Variants in PVT1 observed in about 807,000 individuals in gnomAD.
PVT1 encodes the protein CXCR4/PVT1 fusion.
At chr8:128,083,194 G>A (rs1235889528) in intron 5 of PVT1, among the ~76,000 whole-genome samples, 1 of 152,194 alleles carries the variant, frequency 6.6e-6, no homozygotes, top group Non-Finnish European at 1.5e-5. Flanking sequence ...TTGAATAAAG[G>A]ATAATAGTGA....
At chr8:127,870,602 T>C (rs536697982) in intron 2 of PVT1, among the ~76,000 whole-genome samples, 61 of 152,318 alleles carry the variant, frequency 4.0e-4, no homozygotes, top group Middle Eastern at 3.4e-3. Flanking sequence ...ATTTACTGAA[T>C]GAAGGAAAGC....
chr8:127,811,784 G>A (rs1157545773), intron 2 of PVT1, among the ~76,000 whole-genome samples: 1 of 151,792 alleles, frequency 6.6e-6, no homozygotes, highest in Non-Finnish European at 1.5e-5. Context: ...GTTAACACAG[G>A]GCTTCATAAC....
intron 3 of PVT1, among the ~76,000 whole-genome samples, chr8:127,985,742 G>T (rs1816962232): frequency 6.6e-6 from 1 of 152,192 alleles, no homozygotes; most frequent in South Asian, 2.1e-4. Context: ...CTTCCCAGGG[G>T]AAACTGCTCC....
chr8:127,801,595 G>A (rs951585133), intron 2 of PVT1, among the ~76,000 whole-genome samples: 1 of 152,138 alleles, frequency 6.6e-6, no homozygotes, highest in African/African-American at 2.4e-5. Context: ...CTTTTGAAAC[G>A]GTCAGTCTGG....
Position 127,843,600 on chromosome 8 carries a change from G to A in PVT1, n.373-46989G>A, listed in dbSNP as rs187141405. On this transcript the variant is annotated intron_variant and non_coding_transcript_variant, in intron 2 of 10. Coordinates refer to ENST00000651587, the Ensembl canonical transcript of PVT1. ...TGGGACTACAGGCGCCCGCCACCAC[G>A]ACCGGCTAATTTTTTTTTGTATTTT... is the stretch of plus-strand genomic sequence containing the variant. Among the ~76,000 whole-genome samples, 20 of 151,844 alleles carry A rather than the reference G, an allele frequency of 1.3e-4. No homozygotes were observed. In the East Asian group the frequency reaches 2.9e-3, roughly 22 times the overall value.
intron 4 of PVT1, among the ~76,000 whole-genome samples, chr8:128,005,083 T>C (rs1817229937): frequency 6.6e-6 from 1 of 151,544 alleles, no homozygotes; most frequent in African/African-American, 2.4e-5. Flanking sequence ...GAGGTTGCAG[T>C]GAGCGGAGAT....
chr8:127,947,676 G>A (rs1816439285), intron 3 of PVT1: 1 of 456,088 alleles, frequency 2.2e-6, no homozygotes, highest in Non-Finnish European at 4.4e-6. Context: ...GGACCTCTCT[G>A]GACATGGCCA....
Position 127,887,090 on chromosome 8 carries a change from GAGTC to G in PVT1, n.373-3497_373-3494del, listed in dbSNP as rs533826291. ...GCTACTCCATACAAACTTGGCTCAG[GAGTC>G]ACTTAGTGACTTAGGGAACATTTGT... On this transcript the variant is annotated intron_variant and non_coding_transcript_variant, in intron 2 of 10. Coordinates refer to ENST00000651587, the Ensembl canonical transcript of PVT1. Among the ~76,000 whole-genome samples, 235 of 152,310 alleles carry G rather than the reference GAGTC, an allele frequency of 1.5e-3. 1 individual carries two copies. Among genetic ancestry groups the G allele is most frequent in the Non-Finnish European group, 2.1e-3 (143 of 68,022 alleles).
chr8:127,888,865 G>A (rs1183378905), intron 2 of PVT1, among the ~76,000 whole-genome samples: 1 of 152,230 alleles, frequency 6.6e-6, no homozygotes, highest in Non-Finnish European at 1.5e-5. Flanking sequence ...TCATAAGTGT[G>A]TGCTGTTTTA....
chr8:128,002,866 C>G (rs1239362779), intron 4 of PVT1, among the ~76,000 whole-genome samples: 1 of 152,210 alleles, frequency 6.6e-6, no homozygotes, highest in East Asian at 1.9e-4. Context: ...TTACAACTTC[C>G]TTTCTCTTCT....
At chr8:127,806,234 G>A (rs1171661893) in intron 2 of PVT1, among the ~76,000 whole-genome samples, 1 of 152,106 alleles carries the variant, frequency 6.6e-6, no homozygotes, top group Non-Finnish European at 1.5e-5. Context: ...AGGCTGAGGC[G>A]GGCGGATCAC....
At chr8:127,869,950 C>T (rs138667791) in intron 2 of PVT1, among the ~76,000 whole-genome samples, 46 of 152,238 alleles carry the variant, frequency 3.0e-4, no homozygotes, top group African/African-American at 1.1e-3. Flanking sequence ...ATTACAGGCA[C>T]CCGCCACCAG....
chr8:127,918,462 T>C (rs6470590), intron 3 of PVT1, among the ~76,000 whole-genome samples: 123,722 of 152,172 alleles, frequency 0.81, 50,887 homozygotes, highest in Middle Eastern at 0.94. Flanking sequence ...ATAACATTAC[T>C]ACCAACGACG....
At position 127,831,877 on chromosome 8, in the gene PVT1, C is replaced by T. The variant is rs566032666; in HGVS notation, n.372+35806C>T. On this transcript the variant is annotated intron_variant and non_coding_transcript_variant, in intron 2 of 10. Coordinates refer to ENST00000651587, the Ensembl canonical transcript of PVT1. ...TGACCAATGAAGGTGACTGCTCTTG[C>T]GTTCTGCTCTCTCTTCATTGCCTTT... Among the ~76,000 whole-genome samples, 5 of 152,340 alleles carry T rather than the reference C, an allele frequency of 3.3e-5. No homozygotes were observed. In the East Asian group the frequency reaches 5.8e-4, roughly 18 times the overall value.
intron 3 of PVT1, among the ~76,000 whole-genome samples, chr8:127,912,347 G>A (rs975473808): frequency 2.0e-5 from 3 of 152,192 alleles, no homozygotes; most frequent in Non-Finnish European, 4.4e-5. Flanking sequence ...TAAGTACTAT[G>A]TTTACACACC....
rs189789544 is a variant in PVT1 at position 128,057,359 on chromosome 8, C to T, written n.913-12801C>T. On this transcript the variant is annotated intron_variant and non_coding_transcript_variant, in intron 4 of 10. Coordinates refer to ENST00000651587, the Ensembl canonical transcript of PVT1. Reference sequence around the variant, plus strand: ...AGGATTCAAACCCTTATGACCTAACCGGAAAAACCCCTTTCTCTTTCTACT... The same window carrying T: ...AGGATTCAAACCCTTATGACCTAACTGGAAAAACCCCTTTCTCTTTCTACT... Among the ~76,000 whole-genome samples the T allele has an allele frequency of 2.8e-4, 43 of 152,268 alleles. No homozygotes were observed. In the East Asian group the frequency reaches 5.4e-3, roughly 19 times the overall value.
At chr8:127,904,382 C>T (rs186289986) in intron 3 of PVT1, among the ~76,000 whole-genome samples, 7 of 35,734 alleles carry the variant, frequency 2.0e-4, no homozygotes, top group Admixed American at 1.9e-3. Flanking sequence ...AATTTGACTG[C>T]CCCTGGCCCT....
chr8:127,963,260 C>T (rs1312136152), intron 3 of PVT1, among the ~76,000 whole-genome samples: 1 of 152,230 alleles, frequency 6.6e-6, no homozygotes, highest in East Asian at 1.9e-4. Context: ...CACTTGCCAC[C>T]ATGTTGGTGA....
intron 2 of PVT1, among the ~76,000 whole-genome samples, chr8:127,812,413 A>T (rs1814608000): frequency 6.6e-6 from 1 of 151,436 alleles, no homozygotes; most frequent in Non-Finnish European, 1.5e-5. Flanking sequence ...TACAAAACAA[A>T]TTTTTTTTTA....
Sources: gnomAD v4.1 joint callset for allele counts (sites outside exome capture counted in the v4.1 genomes callset) on GRCh38, gnomAD v4.1.1 for gene constraint, MANE v1.5 for transcripts, NCBI Gene and HGNC (gene_info 2026-07-23, HGNC 2026-07-21) for gene names.